The following CCDC138 variants were observed in gnomAD, a reference collection of about 807,000 sequenced individuals.
CCDC138 encodes coiled-coil domain containing 138.
CCDC138 carries 66 observed loss-of-function variants against 82.3 expected under a neutral mutation model. The observed-to-expected ratio is 0.80, with a 90% CI of 0.66 to 0.98. The LOEUF is 0.98. Ranked by LOEUF, CCDC138 falls within the 50% of genes least tolerant of loss-of-function variation. The probability of loss-of-function intolerance (pLI) is 0.00; values close to 1 mark genes in which losing one functional copy is unlikely to be tolerated. For missense variants in CCDC138, 816 were observed against 758.9 expected (o/e 1.08, Z -0.88); for synonymous variants, 297 against 265.4 (o/e 1.12, Z -1.16).
chr2:108,843,490 G>C (rs756520651), intron 11 of CCDC138, among the ~76,000 whole-genome samples: 1 of 152,178 alleles, frequency 6.6e-6, no homozygotes, highest in Non-Finnish European at 1.5e-5. Context: ...CAAACTCTTA[G>C]TTTTTCTTAA....
chr2:108,813,248 C>CAAAAAAAAAAA (rs371435296), intron 9 of CCDC138, among the ~76,000 whole-genome samples: 2 of 63,536 alleles, frequency 3.1e-5, no homozygotes, highest in Non-Finnish European at 5.1e-5. Context: ...GACTCCGTCT[C>CAAAAAAAAAAA]AAAAAAAAAA....
At chr2:108,840,203 TTTAA>T (rs1689223418) in intron 11 of CCDC138, among the ~76,000 whole-genome samples, 1 of 152,174 alleles carries the variant, frequency 6.6e-6, no homozygotes. Context: ...GGTTGTGGTG[TTTAA>T]TTCTTTTTAT....
At chr2:108,850,291 G>C (rs890261949) in intron 12 of CCDC138, among the ~76,000 whole-genome samples, 1 of 152,100 alleles carries the variant, frequency 6.6e-6, no homozygotes, top group Non-Finnish European at 1.5e-5. Flanking sequence ...GAGAAAGTAG[G>C]CAAATGTGTT....
chr2:108,810,018 G>A lies in CCDC138; in HGVS notation c.856-2613G>A, dbSNP rs190955382. Among the ~76,000 whole-genome samples the A allele has an allele frequency of 4.3e-4, 66 of 152,212 alleles. No homozygotes were observed. The South Asian group carries it at 0.013, about 30-fold the overall frequency. ...ACGGGGTTTTGCTGTATTGGCCAGG[G>A]TGGTCTTGAACTCCTGGCCTCAGGT... is the stretch of plus-strand genomic sequence containing the variant. On this transcript the variant is annotated intron_variant, in intron 7 of 14. Coordinates refer to ENST00000295124, the MANE Select transcript of CCDC138 (RefSeq NM_144978.3).
intron 7 of CCDC138, among the ~76,000 whole-genome samples, chr2:108,806,562 C>G (rs1278140380): frequency 6.6e-6 from 1 of 152,070 alleles, no homozygotes; most frequent in Non-Finnish European, 1.5e-5. Flanking sequence ...GCTTTGTAGG[C>G]CATGTGGTCT....
intron 10 of CCDC138, among the ~76,000 whole-genome samples, chr2:108,828,125 AAAG>A (rs1167559940): frequency 6.6e-6 from 1 of 152,192 alleles, no homozygotes; most frequent in African/African-American, 2.4e-5. Context: ...CCATTAAAAA[AAAG>A]AAGGTGGTTC....
At chr2:108,851,545 G>A (rs1482143153) in intron 12 of CCDC138, among the ~76,000 whole-genome samples, 2 of 152,010 alleles carry the variant, frequency 1.3e-5, no homozygotes, top group South Asian at 4.2e-4. Context: ...CAGGTGATCC[G>A]CCCACCTCAG....
chr2:108,797,427 A>T (rs1001243127), intron 5 of CCDC138, among the ~76,000 whole-genome samples: 2 of 152,204 alleles, frequency 1.3e-5, no homozygotes, highest in Admixed American at 1.3e-4. Context: ...AGTAATAGGT[A>T]AGTCATTTCA....
intron 12 of CCDC138, among the ~76,000 whole-genome samples, chr2:108,847,731 G>A (rs573344761): frequency 6.6e-6 from 1 of 152,060 alleles, no homozygotes; most frequent in Non-Finnish European, 1.5e-5. Context: ...AGCTCAGATT[G>A]TTGTTTTTAT....
At chr2:108,837,857 T>C (rs1247815011) in intron 10 of CCDC138, among the ~76,000 whole-genome samples, 1 of 152,210 alleles carries the variant, frequency 6.6e-6, no homozygotes, top group Non-Finnish European at 1.5e-5. Flanking sequence ...ATATGGCTAG[T>C]AAATTTTATT....
chr2:108,788,323 G>A (rs1178928946), intron 2 of CCDC138, among the ~76,000 whole-genome samples: 3 of 152,072 alleles, frequency 2.0e-5, no homozygotes, highest in Non-Finnish European at 4.4e-5. Flanking sequence ...GGAAGGCTGA[G>A]GCAGGAGAAT....
At chr2:108,826,744 T>G (rs1223979861) in intron 10 of CCDC138, among the ~76,000 whole-genome samples, 3 of 152,192 alleles carry the variant, frequency 2.0e-5, no homozygotes, top group Non-Finnish European at 4.4e-5. Context: ...CATTTTCATA[T>G]GAATTTCAGG....
At chr2:108,820,474 T>C (rs1685495300) in intron 10 of CCDC138, among the ~76,000 whole-genome samples, 1 of 151,996 alleles carries the variant, frequency 6.6e-6, no homozygotes, top group African/African-American at 2.4e-5. Context: ...GAAATAGGCA[T>C]ACAAGTTCAA....
intron 2 of CCDC138, chr2:108,884,010 C>G (rs1696365443): frequency 6.6e-6 from 1 of 152,196 alleles, no homozygotes; most frequent in African/African-American, 2.4e-5. Context: ...CTCAAGCAAT[C>G]CTTTCACCTT....
chr2:108,881,004 C>G (rs970593939), downstream of CCDC138, among the ~76,000 whole-genome samples: 1 of 152,180 alleles, frequency 6.6e-6, no homozygotes, highest in Non-Finnish European at 1.5e-5. Flanking sequence ...CCAATACTCA[C>G]GAATGACTTT....
chr2:108,866,525 G>C (rs1426367426), intron 13 of CCDC138, among the ~76,000 whole-genome samples: 1 of 152,116 alleles, frequency 6.6e-6, no homozygotes, highest in African/African-American at 2.4e-5. Flanking sequence ...CCATGTACAG[G>C]TACAAGCATT....
At chr2:108,814,277 G>A (rs900472428) in intron 9 of CCDC138, among the ~76,000 whole-genome samples, 2 of 152,110 alleles carry the variant, frequency 1.3e-5, no homozygotes, top group Non-Finnish European at 2.9e-5. Context: ...TCAACATTTG[G>A]TGTTTTCAGT....
intron 13 of CCDC138, among the ~76,000 whole-genome samples, chr2:108,868,129 C>T (rs980775951): frequency 1.3e-4 from 19 of 151,950 alleles, no homozygotes; most frequent in East Asian, 1.9e-4. Flanking sequence ...AATGTATAAC[C>T]GCTATAGGAA....
At chr2:108,791,037 C>T (rs1176523722) in intron 3 of CCDC138, among the ~76,000 whole-genome samples, 1 of 152,152 alleles carries the variant, frequency 6.6e-6, no homozygotes, top group Non-Finnish European at 1.5e-5. Context: ...GCTGAGATCA[C>T]AGGCGTGAGC....
Sources: gnomAD v4.1 joint callset for allele counts (sites outside exome capture counted in the v4.1 genomes callset) on GRCh38, gnomAD v4.1.1 for gene constraint, MANE v1.5 for transcripts, NCBI Gene and HGNC (gene_info 2026-07-23, HGNC 2026-07-21) for gene names.